CSMD2: variants seen among roughly 807,000 people sequenced by gnomAD.
CSMD2 encodes CUB and Sushi multiple domains 2, also known as CUB and sushi domain-containing protein 2.
A neutral mutation model predicts 398.5 loss-of-function variants in CSMD2; 130 were observed. The ratio of observed to expected loss-of-function variants is 0.33; its 90% CI spans 0.28 to 0.38. The LOEUF (loss-of-function observed/expected upper bound fraction) is 0.38, where lower values mean the gene tolerates loss of function less well. CSMD2 is among the 10% of genes least tolerant of loss of function. The pLI, the probability that CSMD2 is intolerant of heterozygous loss-of-function variation, is 1.00. For missense variants in CSMD2, 3,829 were observed against 4,764.9 expected (o/e 0.80, Z 5.78); for synonymous variants, 1,828 against 1,908.5 (o/e 0.96, Z 1.10).
At chr1:33,625,371 T>C in intron 33 of CSMD2, 117 bp from the exon 34 acceptor site, 1 of 979,836 alleles carries the variant, frequency 1.0e-6, no homozygotes, top group Admixed American at 2.2e-5. Flanking sequence ...AGGCTCTGGA[T>C]GCTCTCCCGT....
At chr1:33,572,406 T>TTCC in intron 50 of CSMD2, 100 bp downstream of exon 50, 2 of 993,976 alleles carry the variant, frequency 2.0e-6, no homozygotes, top group South Asian at 2.5e-5. Flanking sequence ...TTTTTTTTTT[T>TTCC]CCCCCTCATT....
chr1:33,772,846 G>T, intron 12 of CSMD2, 95 bp from the exon 13 acceptor site: 2 of 1,049,686 alleles, frequency 1.9e-6, no homozygotes, highest in Non-Finnish European at 2.8e-6. Context: ...CTGCTCTTCT[G>T]CCATAAGTCA....
intron 5 of CSMD2, chr1:33,871,019 C>T (rs1413141485): frequency 1.3e-5 from 2 of 152,254 alleles, no homozygotes; most frequent in Non-Finnish European, 2.9e-5. Flanking sequence ...GTAAGTAAGC[C>T]TGGAAGTGGA....
At chr1:33,982,593 G>A (rs1361453726) in intron 3 of CSMD2, among the ~76,000 whole-genome samples, 1 of 152,206 alleles carries the variant, frequency 6.6e-6, no homozygotes, top group African/African-American at 2.4e-5. Flanking sequence ...CACATGGTAG[G>A]AACTCACTCA....
Position 33,532,542 on chromosome 1 carries a change from A to G in CSMD2, c.10171+508T>C, listed in dbSNP as rs765950126. Among the ~76,000 whole-genome samples, 36 of 152,108 alleles carry G rather than the reference A, an allele frequency of 2.4e-4. 1 individual carries two copies. The highest frequency in any genetic ancestry group is 4.4e-5 in the Non-Finnish European group (3 of 68,028). On this transcript the variant is annotated intron_variant, in intron 64 of 70. Coordinates refer to ENST00000373381, the MANE Select transcript of CSMD2 (RefSeq NM_001281956.2). ...TCTCCATGTTCCTCCAAGTACTCCA[A>G]ATATAAAATCTGATAACGTGTCTGT...
At chr1:33,691,237 G>A (rs1205265767) in intron 25 of CSMD2, among the ~76,000 whole-genome samples, 1 of 152,136 alleles carries the variant, frequency 6.6e-6, no homozygotes, top group Admixed American at 6.6e-5. Flanking sequence ...AGCCTCAAAG[G>A]CCAGAATAAA....
intron 5 of CSMD2, among the ~76,000 whole-genome samples, chr1:33,854,066 C>T (rs572423121): frequency 1.2e-4 from 18 of 152,322 alleles, no homozygotes; most frequent in African/African-American, 4.3e-4. Flanking sequence ...TTCTCTCTCC[C>T]AATCTTGATC....
At chr1:33,848,383 G>T (rs1021936516) in intron 5 of CSMD2, among the ~76,000 whole-genome samples, 7 of 152,192 alleles carry the variant, frequency 4.6e-5, no homozygotes, top group Non-Finnish European at 7.3e-5. Flanking sequence ...GAATGAATAC[G>T]CAGAACTCAC....
At chr1:33,551,299 GATTTT>G (rs1371743358) in intron 55 of CSMD2, among the ~76,000 whole-genome samples, 1 of 152,192 alleles carries the variant, frequency 6.6e-6, no homozygotes, top group African/African-American at 2.4e-5. Flanking sequence ...ATGAAAATTG[GATTTT>G]ATTATGAGCA....
At chr1:33,604,757 G>A (rs946591526) in intron 42 of CSMD2, among the ~76,000 whole-genome samples, 7 of 152,342 alleles carry the variant, frequency 4.6e-5, no homozygotes, top group African/African-American at 1.7e-4. Flanking sequence ...GAAGACCCAA[G>A]AAAGTGCCAC....
chr1:33,927,975 T>C (rs1377717509), intron 4 of CSMD2, among the ~76,000 whole-genome samples: 3 of 152,138 alleles, frequency 2.0e-5, no homozygotes, highest in African/African-American at 7.2e-5. Flanking sequence ...CAGGAATGCA[T>C]GGAAGGTCAA....
At chr1:33,747,389 A>G (rs1647533579) in intron 13 of CSMD2, among the ~76,000 whole-genome samples, 2 of 152,228 alleles carry the variant, frequency 1.3e-5, no homozygotes, top group Non-Finnish European at 2.9e-5. Context: ...AGATATGCTA[A>G]TTTGCTCATC....
chr1:34,082,527 G>A (rs563358158), intron 2 of CSMD2, among the ~76,000 whole-genome samples: 4 of 152,060 alleles, frequency 2.6e-5, no homozygotes, highest in Non-Finnish European at 5.9e-5. Flanking sequence ...CCACGTCTGG[G>A]GGGTGGGGGG....
intron 47 of CSMD2, 80 bp downstream of exon 47, chr1:33,583,562 C>T: frequency 7.1e-7 from 1 of 1,412,008 alleles, no homozygotes. Flanking sequence ...GATAGGAAAA[C>T]TGCAGCACAG....
chr1:33,526,661 G>T (rs1243076492), intron 65 of CSMD2, among the ~76,000 whole-genome samples: 1 of 152,230 alleles, frequency 6.6e-6, no homozygotes, highest in African/African-American at 2.4e-5. Flanking sequence ...CTCAAATTGA[G>T]TTTCTGATGC....
intron 36 of CSMD2, 47 bp downstream of exon 36, chr1:33,623,323 G>C (rs1186930261): frequency 8.5e-7 from 1 of 1,181,476 alleles, no homozygotes; most frequent in East Asian, 2.3e-5. Context: ...ATGATGATGA[G>C]CTCTAGTACT....
chr1:33,716,817 A>G (rs1380015073), intron 19 of CSMD2, among the ~76,000 whole-genome samples: 1 of 152,242 alleles, frequency 6.6e-6, no homozygotes, highest in Non-Finnish European at 1.5e-5. Flanking sequence ...AGAGACATTC[A>G]TTAATTCATC....
At chr1:33,669,494 C>T (rs1644420935) in intron 25 of CSMD2, among the ~76,000 whole-genome samples, 1 of 152,176 alleles carries the variant, frequency 6.6e-6, no homozygotes, top group African/African-American at 2.4e-5. Flanking sequence ...GGGGACACAC[C>T]AAGTCCCCCC....
chr1:33,761,259 C>T (rs1649781396), intron 13 of CSMD2, among the ~76,000 whole-genome samples: 1 of 152,120 alleles, frequency 6.6e-6, no homozygotes. Context: ...CCAGTCTTTC[C>T]ATGTCCCAAG....
Sources: allele counts gnomAD v4.1 joint callset (sites outside exome capture counted in the v4.1 genomes callset), GRCh38; gene constraint gnomAD v4.1.1; transcripts MANE v1.5; gene names NCBI Gene and HGNC (gene_info 2026-07-23, HGNC 2026-07-21).